The following RFPL3 variants were observed in gnomAD, a reference collection of about 807,000 sequenced individuals.
The protein encoded by RFPL3 is ret finger protein like 3.
A neutral mutation model predicts 8.7 loss-of-function variants in RFPL3; 8 were observed. The ratio of observed to expected loss-of-function variants is 0.92; its 90% CI spans 0.54 to 1.66. The LOEUF (loss-of-function observed/expected upper bound fraction) is 1.66. RFPL3 is among the 40% of genes most tolerant of loss of function. The pLI, the probability that RFPL3 is intolerant of heterozygous loss-of-function variation, is 0.00. For synonymous variants in RFPL3, 145 were observed against 150.5 expected, an observed-to-expected ratio of 0.96 and a Z score of 0.27; for missense variants, 341 against 395.0, an observed-to-expected ratio of 0.86 and a Z score of 1.16.
intron 1 of RFPL3, among the ~76,000 whole-genome samples, chr22:32,359,701 C>T (rs535120587): frequency 6.6e-6 from 1 of 152,318 alleles, no homozygotes; most frequent in South Asian, 2.1e-4. Context: ...CCCTCCTCCA[C>T]CTGGCCTTAG....
upstream of RFPL3, chr22:32,356,690 G>A (rs78435953): frequency 0.071 from 22,125 of 313,350 alleles, 1,449 homozygotes; most frequent in East Asian, 0.41. Context: ...CATTCTTCAG[G>A]GGCCACTGTC....
At chr22:32,355,611 G>A (rs1305289068), upstream of RFPL3, among the ~76,000 whole-genome samples, 1 of 152,042 alleles carries the variant, frequency 6.6e-6, no homozygotes, top group Non-Finnish European at 1.5e-5. Flanking sequence ...ATGTGTCAGA[G>A]ACCAAATCCC....
chr22:32,355,781 C>CAAA (rs5844988), upstream of RFPL3, among the ~76,000 whole-genome samples: 15,650 of 99,434 alleles, frequency 0.16, 1,080 homozygotes, highest in Non-Finnish European at 0.22. Flanking sequence ...GACTTTGTCT[C>CAAA]AAAAAAAAAA....
upstream of RFPL3, among the ~76,000 whole-genome samples, chr22:32,355,733 A>G (rs141391076): frequency 0.011 from 1,575 of 147,902 alleles, 24 homozygotes; most frequent in African/African-American, 0.037. Flanking sequence ...CAGTGAGCCA[A>G]GATTGTGCCA....
At chr22:32,356,095 C>G (rs1932659374), upstream of RFPL3, among the ~76,000 whole-genome samples, 1 of 152,094 alleles carries the variant, frequency 6.6e-6, no homozygotes, top group South Asian at 2.1e-4. Flanking sequence ...CAACAGTGTC[C>G]TGGACAGCCT....
chr22:32,356,248 G>A (rs1172666725), upstream of RFPL3, among the ~76,000 whole-genome samples: 3 of 152,006 alleles, frequency 2.0e-5, no homozygotes, highest in Admixed American at 6.6e-5. Flanking sequence ...AGGGACAGAG[G>A]GTGCGTCTTA....
chr22:32,358,163 C>T lies in RFPL3; in HGVS notation c.92C>T (p.Ala31Val). The T allele has an allele frequency of 3.7e-6, 6 of 1,613,970 alleles. No individual in the cohort carries two copies. The highest frequency in any genetic ancestry group is 5.1e-6 in the Non-Finnish European group (6 of 1,179,864). ...LCTFPLAVDM[A>V]ALFQEASSCP... The stretch of plus-strand genomic sequence containing the variant: ...ACTTTTCCCCTGGCAGTGGACATGG[C>T]TGCACTCTTCCAAGAAGCAAGCAGC... Residue 31 changes from alanine to valine, a missense_variant, in exon 1 of 2, where the codon GCT becomes GTT. Transcript: ENST00000249007.
Position 32,360,243 on chromosome 22 carries a change from T to A in RFPL3, c.374-9T>A. The A allele has an allele frequency of 1.9e-6, 3 of 1,604,504 alleles. No homozygotes were observed. The highest frequency in any genetic ancestry group is 2.6e-6 in the Non-Finnish European group (3 of 1,173,190). ...CCACTTGCTGAGCAACTTGTTTTCC[T>A]TTTCACAGTGGATATGACCTTGGAT... On this transcript the variant is annotated splice_polypyrimidine_tract_variant and intron_variant, in intron 1 of 1. Coordinates refer to ENST00000249007, the MANE Select transcript of RFPL3 (RefSeq NM_001098535.1).
At chr22:32,355,800 A>G (rs63701760), upstream of RFPL3, among the ~76,000 whole-genome samples, 61 of 146,838 alleles carry the variant, frequency 4.2e-4, no homozygotes, top group Middle Eastern at 3.5e-3. Flanking sequence ...AAAAAAAAAA[A>G]GAAAGAAAAG....
upstream of RFPL3, among the ~76,000 whole-genome samples, chr22:32,355,666 G>T (rs1253993403): frequency 6.6e-6 from 1 of 151,226 alleles, no homozygotes; most frequent in Non-Finnish European, 1.5e-5. Context: ...GCTTTTAGTC[G>T]TGAAAAGATG....
rs136471 is a variant in RFPL3 at position 32,360,568 on chromosome 22, G to C, written c.690G>C (p.Thr230=). The C allele has an allele frequency of 0.071, 115,038 of 1,609,414 alleles. 8,499 individuals carry two copies. Among genetic ancestry groups the C allele is most frequent in the East Asian group, 0.47 (21,255 of 44,862 alleles). The change falls in exon 2 of 2, where the codon ACG becomes ACC. Residue 230 remains threonine, a synonymous_variant. Coordinates refer to ENST00000249007, the MANE Select transcript of RFPL3 (RefSeq NM_001098535.1). The part of the protein sequence containing the change: ...LRDGSRLSAS[T]VPLTFLLVDR... ...ATGGAAGCCGCCTCTCTGCCAGCACGGTGCCGCTGACTTTCCTCTTAGTAG... is the reference window on the plus strand; with the variant it reads ...ATGGAAGCCGCCTCTCTGCCAGCACCGTGCCGCTGACTTTCCTCTTAGTAG...
intron 1 of RFPL3, among the ~76,000 whole-genome samples, chr22:32,359,376 G>A (rs1481120263): frequency 6.6e-6 from 1 of 151,920 alleles, no homozygotes. Flanking sequence ...CTATATTAGT[G>A]ATCATATCAG....
upstream of RFPL3, among the ~76,000 whole-genome samples, chr22:32,357,171 C>G (rs576720850): frequency 1.3e-5 from 2 of 152,154 alleles, no homozygotes; most frequent in African/African-American, 2.4e-5. Context: ...ATTCAGGGAA[C>G]CTCCGAGCCT....
At chr22:32,355,179 T>C (rs147849799), upstream of RFPL3, among the ~76,000 whole-genome samples, 15 of 152,190 alleles carry the variant, frequency 9.9e-5, no homozygotes, top group Middle Eastern at 3.4e-3. Context: ...TTGGACTTTG[T>C]TATCATGTTC....
chr22:32,355,718 G>A (rs1932641319), upstream of RFPL3, among the ~76,000 whole-genome samples: 1 of 149,842 alleles, frequency 6.7e-6, no homozygotes, highest in South Asian at 2.1e-4. Flanking sequence ...GGGAGGCAGA[G>A]GTTGCAGTGA....
chr22:32,357,469 C>CG (rs199734866), upstream of RFPL3, among the ~76,000 whole-genome samples: 844 of 140,736 alleles, frequency 6.0e-3, 53 homozygotes, highest in East Asian at 0.19. Context: ...TGCATCCAGC[C>CG]CCCTTTTTTT....
At position 32,358,281 on chromosome 22, in the gene RFPL3, G is replaced by A. The variant is rs760967465; in HGVS notation, c.210G>A (p.Glu70=). The change falls in exon 1 of 2, where the codon GAG becomes GAA. Residue 70 remains glutamate, a synonymous_variant. Coordinates refer to ENST00000249007, the MANE Select transcript of RFPL3 (RefSeq NM_001098535.1). ...AGTGCATCAATTCGCTGCAGAAGGAGCCCCATGGGGAGGATCTGCTTTGCT... is the reference window on the plus strand; with the variant it reads ...AGTGCATCAATTCGCTGCAGAAGGAACCCCATGGGGAGGATCTGCTTTGCT... ...CLKCINSLQK[E]PHGEDLLCCC... is the part of the protein sequence containing the mutation. 6.2e-7 allele frequency: 1 copy of A among 1,613,934 alleles called. No homozygotes were observed. The highest frequency in any genetic ancestry group is 8.5e-7 in the Non-Finnish European group (1 of 1,179,848).
chr22:32,355,349 T>TA (rs1932629366), upstream of RFPL3, among the ~76,000 whole-genome samples: 1 of 152,164 alleles, frequency 6.6e-6, no homozygotes, highest in African/African-American at 2.4e-5. Flanking sequence ...TTCCAGGCTC[T>TA]TCTAGGCTAT....
upstream of RFPL3, chr22:32,356,749 A>G (rs1035244200): frequency 2.1e-4 from 78 of 376,620 alleles, no homozygotes; most frequent in Admixed American, 1.9e-4. Context: ...TAGCTGCTGC[A>G]GGACCTCCAC....
Sources: allele counts gnomAD v4.1 joint callset (sites outside exome capture counted in the v4.1 genomes callset), GRCh38; gene constraint gnomAD v4.1.1; transcripts MANE v1.5; gene names NCBI Gene and HGNC (gene_info 2026-07-23, HGNC 2026-07-21).